The following MGLL variants were observed in gnomAD, a reference collection of about 807,000 sequenced individuals.
The protein encoded by MGLL is lysophospholipase homolog.
Under a neutral mutation model 29.1 loss-of-function variants are expected in MGLL, and 7 were observed. The observed-to-expected ratio is 0.24, with a 90% CI of 0.14 to 0.45. MGLL has a LOEUF of 0.45. MGLL is among the 20% of genes least tolerant of loss of function. MGLL has a pLI of 0.99. For synonymous variants in MGLL, 148 were observed against 168.3 expected, an observed-to-expected ratio of 0.88 and a Z score of 0.93; for missense variants, 356 against 413.6, an observed-to-expected ratio of 0.86 and a Z score of 1.21.
At chr3:127,719,867 C>T (rs1285272971) in intron 5 of MGLL, among the ~76,000 whole-genome samples, 1 of 152,186 alleles carries the variant, frequency 6.6e-6, no homozygotes, top group African/African-American at 2.4e-5. Context: ...GAGATATCAT[C>T]CATCTCTCTC....
intron 4 of MGLL, 146 bp downstream of exon 4, chr3:127,722,284 A>T: frequency 8.5e-7 from 1 of 1,174,232 alleles, no homozygotes; most frequent in Non-Finnish European, 1.2e-6. Context: ...GGAATTGCCC[A>T]GGAACTCCAA....
upstream of MGLL, chr3:127,822,593 A>C: frequency 2.0e-6 from 1 of 494,162 alleles, no homozygotes; most frequent in East Asian, 3.6e-5. Flanking sequence ...CTTTTCCTAA[A>C]CAAATCGCTA....
intron 2 of MGLL, among the ~76,000 whole-genome samples, chr3:127,789,140 G>A (rs1419306178): frequency 2.0e-5 from 3 of 152,164 alleles, no homozygotes; most frequent in Non-Finnish European, 4.4e-5. Context: ...GGCATTAAAG[G>A]TGGGGCAGGA....
At chr3:127,795,507 C>T (rs2077368840) in intron 2 of MGLL, among the ~76,000 whole-genome samples, 1 of 152,090 alleles carries the variant, frequency 6.6e-6, no homozygotes. Context: ...ATGCAATAAA[C>T]CCGTGTAACA....
At chr3:127,786,472 C>T (rs1443517926) in intron 2 of MGLL, among the ~76,000 whole-genome samples, 5 of 152,196 alleles carry the variant, frequency 3.3e-5, no homozygotes, top group African/African-American at 1.2e-4. Flanking sequence ...GGGAGCCAGT[C>T]GTTCAGGGAG....
At chr3:127,705,392 A>G (rs1417291180) in intron 6 of MGLL, among the ~76,000 whole-genome samples, 1 of 151,784 alleles carries the variant, frequency 6.6e-6, no homozygotes, top group Non-Finnish European at 1.5e-5. Flanking sequence ...ATTAAATTAA[A>G]CTAAAAAAAA....
chr3:127,695,215 A>G (rs1243107698), intron 6 of MGLL, 25 bp from the exon 7 acceptor site: 1 of 1,603,934 alleles, frequency 6.2e-7, no homozygotes, highest in Non-Finnish European at 8.5e-7. Context: ...AGAGGGTTCC[A>G]TCAGCATGGG....
chr3:127,822,266 A>C, intron 1 of MGLL, 43 bp downstream of exon 1: 1 of 1,592,260 alleles, frequency 6.3e-7, no homozygotes, highest in African/African-American at 1.3e-5. Flanking sequence ...GATGATACTC[A>C]GATTATTCCT....
Position 127,761,856 on chromosome 3 carries a change from C to T in MGLL, c.262+19933G>A, listed in dbSNP as rs1461842826. On this transcript the variant is annotated intron_variant, in intron 3 of 7. Coordinates refer to ENST00000265052, the MANE Select transcript of MGLL (RefSeq NM_007283.7). The surrounding 1 kb of genome is among the most constrained non-coding windows in gnomAD (Gnocchi z 4.6). ...CACTAAATATGCGTAGTGCACCCAG[C>T]GCACTTGCCGGGGAGTTGTGACTGC... Among the ~76,000 whole-genome samples the T allele has an allele frequency of 6.6e-6, 1 of 152,180 alleles. No homozygotes were observed. The highest frequency in any genetic ancestry group is 1.9e-4 in the East Asian group (1 of 5,190).
chr3:127,821,651 A>C (rs1325500726), intron 2 of MGLL, 43 bp downstream of exon 2: 2 of 1,609,438 alleles, frequency 1.2e-6, no homozygotes, highest in Middle Eastern at 1.7e-4. Context: ...AGCAGGGGCC[A>C]TGCTCCCCTG....
At chr3:127,800,741 G>C (rs2077461710) in intron 2 of MGLL, among the ~76,000 whole-genome samples, 1 of 152,170 alleles carries the variant, frequency 6.6e-6, no homozygotes, top group Admixed American at 6.5e-5. Context: ...AAAAGCCCTA[G>C]CAAGCCAAGT....
chr3:127,728,506 G>T (rs999671725), intron 3 of MGLL, among the ~76,000 whole-genome samples: 1 of 152,052 alleles, frequency 6.6e-6, no homozygotes, highest in African/African-American at 2.4e-5. Context: ...TTTTCCTCAC[G>T]TTTAACATAT....
intron 5 of MGLL, among the ~76,000 whole-genome samples, chr3:127,717,920 T>C (rs1313980381): frequency 1.3e-5 from 2 of 152,186 alleles, no homozygotes; most frequent in Non-Finnish European, 2.9e-5. Flanking sequence ...CAGAGTGACC[T>C]CACAAATAGC....
intron 2 of MGLL, among the ~76,000 whole-genome samples, chr3:127,797,394 C>T (rs1358595930): frequency 6.6e-6 from 1 of 152,192 alleles, no homozygotes; most frequent in Non-Finnish European, 1.5e-5. Flanking sequence ...CCTGTCAAGA[C>T]TCAGTCTAGT....
chr3:127,818,161 C>G (rs1324360137), intron 2 of MGLL, among the ~76,000 whole-genome samples: 1 of 152,130 alleles, frequency 6.6e-6, no homozygotes, highest in African/African-American at 2.4e-5. Flanking sequence ...GGAGTTTCAC[C>G]ACTTTTGGCC....
At chr3:127,722,338 C>T in intron 4 of MGLL, 92 bp downstream of exon 4, 2 of 1,531,292 alleles carry the variant, frequency 1.3e-6, no homozygotes, top group East Asian at 2.3e-5. Flanking sequence ...AGGCAGAGAG[C>T]AGTGGGGGGC....
At chr3:127,822,075 T>C in intron 1 of MGLL, 1 of 649,100 alleles carries the variant, frequency 1.5e-6, no homozygotes. Flanking sequence ...TTACAGTTTT[T>C]CCCCCTTCCC....
chr3:127,755,013 TTA>T (rs1441222227), intron 3 of MGLL, among the ~76,000 whole-genome samples: 1 of 151,960 alleles, frequency 6.6e-6, no homozygotes, highest in Admixed American at 6.6e-5. Context: ...TGGGGGTGTT[TTA>T]TGTTTGTTTT....
intron 2 of MGLL, among the ~76,000 whole-genome samples, chr3:127,809,792 G>C (rs181610201): frequency 2.6e-5 from 4 of 152,248 alleles, no homozygotes; most frequent in Admixed American, 2.6e-4. Flanking sequence ...CTGCCCTTGA[G>C]CCAGGTGGCC....
Sources: allele counts gnomAD v4.1 joint callset (sites outside exome capture counted in the v4.1 genomes callset), GRCh38; gene constraint gnomAD v4.1.1; non-coding constraint Gnocchi (gnomAD v3.1); transcripts MANE v1.5; gene names NCBI Gene and HGNC (gene_info 2026-07-23, HGNC 2026-07-21).